GALNT13: variants seen among roughly 807,000 people sequenced by gnomAD.
The protein encoded by GALNT13 is polypeptide N-acetylgalactosaminyltransferase 13, also known as UDP-GalNAc:polypeptide N-acetylgalactosaminyltransferase 13.
A neutral mutation model predicts 64.2 loss-of-function variants in GALNT13; 28 were observed. That is an observed-to-expected ratio of 0.44 (90% CI 0.32 to 0.60). GALNT13 has a LOEUF of 0.60. GALNT13 is among the 20% of genes least tolerant of loss of function. GALNT13 has a pLI of 0.05. For synonymous variants in GALNT13, 214 were observed against 224.6 expected (o/e 0.95, Z 0.42); for missense variants, 577 against 669.8 (o/e 0.86, Z 1.53).
the GALNT13 span, among the ~76,000 whole-genome samples, chr2:153,176,066 G>A: frequency 6.6e-6 from 1 of 152,124 alleles, no homozygotes; most frequent in South Asian, 2.1e-4. Flanking sequence ...AAGCTAAAGA[G>A]TAAGCCAATA....
At chr2:154,001,825 A>G (rs1339430512) in intron 3 of GALNT13, among the ~76,000 whole-genome samples, 1 of 152,046 alleles carries the variant, frequency 6.6e-6, no homozygotes, top group East Asian at 1.9e-4. Flanking sequence ...GACTCCTTTT[A>G]GCATTTATTC....
intron 3 of GALNT13, among the ~76,000 whole-genome samples, chr2:154,050,500 A>C (rs574157932): frequency 6.7e-4 from 102 of 152,314 alleles, no homozygotes; most frequent in Admixed American, 1.1e-3. Context: ...TAGCTTGATA[A>C]AGACAGCCAA....
At chr2:153,554,073 T>C in the GALNT13 span, among the ~76,000 whole-genome samples, 1 of 152,090 alleles carries the variant, frequency 6.6e-6, no homozygotes, top group African/African-American at 2.4e-5. Flanking sequence ...CCCCAGCTCT[T>C]TGGGAGGCCA....
chr2:153,364,250 A>G, the GALNT13 span, among the ~76,000 whole-genome samples: 1 of 152,146 alleles, frequency 6.6e-6, no homozygotes, highest in Non-Finnish European at 1.5e-5. Flanking sequence ...AAATAATAGG[A>G]GCTGTTTATG....
At chr2:153,220,987 G>A in the GALNT13 span, among the ~76,000 whole-genome samples, 1 of 152,130 alleles carries the variant, frequency 6.6e-6, no homozygotes, top group African/African-American at 2.4e-5. Flanking sequence ...CCTGTTGGAA[G>A]GTGGAGATCA....
At chr2:154,404,117 C>T (rs1249763433) in intron 10 of GALNT13, among the ~76,000 whole-genome samples, 1 of 152,150 alleles carries the variant, frequency 6.6e-6, no homozygotes, top group Non-Finnish European at 1.5e-5. Flanking sequence ...TCCAGCCAGA[C>T]TTGACTTCAG....
chr2:154,095,333 A>C (rs1021343993), intron 3 of GALNT13, among the ~76,000 whole-genome samples: 1 of 151,700 alleles, frequency 6.6e-6, no homozygotes, highest in Non-Finnish European at 1.5e-5. Context: ...ATGCTATAGG[A>C]GATATTTACA....
chr2:153,153,679 T>TG, the GALNT13 span, among the ~76,000 whole-genome samples: 3 of 149,982 alleles, frequency 2.0e-5, no homozygotes, highest in African/African-American at 5.0e-5. Context: ...TTTTTTTTTT[T>TG]GTCAGGTTTG....
the GALNT13 span, among the ~76,000 whole-genome samples, chr2:153,093,393 C>A: frequency 6.6e-6 from 1 of 151,878 alleles, no homozygotes; most frequent in Non-Finnish European, 1.5e-5. Flanking sequence ...TGCATGCCAC[C>A]ATGCCTGGCT....
the GALNT13 span, among the ~76,000 whole-genome samples, chr2:153,262,228 C>T: frequency 6.6e-6 from 1 of 152,174 alleles, no homozygotes; most frequent in Non-Finnish European, 1.5e-5. Context: ...TGTGTACTGC[C>T]TGGCTACCTT....
the GALNT13 span, among the ~76,000 whole-genome samples, chr2:153,287,185 G>A: frequency 6.6e-6 from 1 of 152,180 alleles, no homozygotes; most frequent in Non-Finnish European, 1.5e-5. Context: ...ATGGGGGTGT[G>A]GCTCATTTCT....
At chr2:153,700,297 C>G in the GALNT13 span, among the ~76,000 whole-genome samples, 2 of 152,132 alleles carry the variant, frequency 1.3e-5, no homozygotes, top group African/African-American at 2.4e-5. Context: ...TTCAACATCT[C>G]TTTATGTTAA....
chr2:153,918,920 C>A (rs1689573321), intron 2 of GALNT13, among the ~76,000 whole-genome samples: 1 of 152,106 alleles, frequency 6.6e-6, no homozygotes, highest in Admixed American at 6.6e-5. Flanking sequence ...TTCATTCACA[C>A]CTCAACACAC....
intron 3 of GALNT13, among the ~76,000 whole-genome samples, chr2:154,033,480 A>G (rs536995764): frequency 7.9e-5 from 12 of 152,080 alleles, no homozygotes; most frequent in Admixed American, 7.2e-4. Context: ...ATTAAAAACT[A>G]TCTAATTAAA....
chr2:153,398,680 T>C, the GALNT13 span, among the ~76,000 whole-genome samples: 1 of 152,194 alleles, frequency 6.6e-6, no homozygotes, highest in Non-Finnish European at 1.5e-5. Context: ...CCAGTGATGA[T>C]GAGCATTTTT....
chr2:154,408,856 C>A, intron 10 of GALNT13, 128 bp from the exon 11 acceptor site: 1 of 649,298 alleles, frequency 1.5e-6, no homozygotes, highest in Non-Finnish European at 2.8e-6. Flanking sequence ...ATATGTTTTT[C>A]TTGGAGAAAT....
the GALNT13 span, among the ~76,000 whole-genome samples, chr2:153,285,923 C>T: frequency 1.3e-5 from 2 of 152,008 alleles, no homozygotes; most frequent in South Asian, 4.2e-4. Flanking sequence ...TGAAACTTAA[C>T]ATTATTATTA....
intron 2 of GALNT13, among the ~76,000 whole-genome samples, chr2:153,916,046 A>G (rs970835018): frequency 1.3e-5 from 2 of 152,114 alleles, no homozygotes; most frequent in African/African-American, 4.8e-5. Flanking sequence ...AGGAGAGGAT[A>G]GGAATTACAT....
intron 10 of GALNT13, among the ~76,000 whole-genome samples, chr2:154,403,180 A>G (rs911947586): frequency 3.3e-5 from 5 of 152,160 alleles, no homozygotes; most frequent in African/African-American, 9.7e-5. Flanking sequence ...TAGGCCAGGC[A>G]TGGTGGTTTA....
Sources: gnomAD v4.1 joint callset for allele counts (sites outside exome capture counted in the v4.1 genomes callset) on GRCh38, gnomAD v4.1.1 for gene constraint, MANE v1.5 for transcripts, NCBI Gene and HGNC (gene_info 2026-07-23, HGNC 2026-07-21) for gene names.